Variants in ENPP6 observed in about 807,000 individuals in gnomAD.
ENPP6 encodes ectonucleotide pyrophosphatase/phosphodiesterase 6.
Under a neutral mutation model 42.0 loss-of-function variants are expected in ENPP6, and 32 were observed. The ratio of observed to expected loss-of-function variants is 0.76; its 90% confidence interval spans 0.58 to 1.02. ENPP6 has a LOEUF of 1.02. Among genes scored for constraint, ENPP6 ranks in the 50% least tolerant of loss-of-function variants. The pLI is 0.00. For synonymous variants in ENPP6, 213 were observed against 216.0 expected, an observed-to-expected ratio of 0.99 and a Z score of 0.12; for missense variants, 552 against 566.8, an observed-to-expected ratio of 0.97 and a Z score of 0.27.
intron 2 of ENPP6, among the ~76,000 whole-genome samples, chr4:184,133,740 C>T (rs2111361748): frequency 6.6e-6 from 1 of 151,844 alleles, no homozygotes; most frequent in South Asian, 2.1e-4. Flanking sequence ...ACTAAGGGTG[C>T]AGTGTACTAA....
rs189251133 is a variant in ENPP6, at chr4:184,173,152, C to T, written c.242-19419G>A. Among the ~76,000 whole-genome samples the T allele has an allele frequency of 3.5e-3, 540 of 152,130 alleles. 4 individuals are homozygous for T. The highest frequency in any genetic ancestry group is 6.7e-3 in the Non-Finnish European group (457 of 67,974). On this transcript the variant is annotated intron_variant, in intron 1 of 7. Coordinates refer to ENST00000296741, the MANE Select transcript of ENPP6 (RefSeq NM_153343.4). ...ACTCCTGACCTCAAATGATCCACCCCCCTCAGCCTCCCAAAGTGCTGGGAT... is the reference window on the plus strand; with the variant it reads ...ACTCCTGACCTCAAATGATCCACCCTCCTCAGCCTCCCAAAGTGCTGGGAT...
chr4:184,126,712 A>C (rs574283930), intron 2 of ENPP6, among the ~76,000 whole-genome samples: 1 of 152,346 alleles, frequency 6.6e-6, no homozygotes, highest in African/African-American at 2.4e-5. Context: ...AAAGCACTGG[A>C]CAAATTGCAA....
intron 3 of ENPP6, among the ~76,000 whole-genome samples, chr4:184,122,760 G>A (rs1319656736): frequency 6.6e-6 from 1 of 152,180 alleles, no homozygotes; most frequent in Non-Finnish European, 1.5e-5. Context: ...TTATTTGGAG[G>A]TATCTGTATG....
intron 2 of ENPP6, among the ~76,000 whole-genome samples, chr4:184,132,123 A>C (rs4615213): frequency 6.6e-6 from 1 of 151,776 alleles, no homozygotes; most frequent in Non-Finnish European, 1.5e-5. Context: ...TTGGGGAGGG[A>C]AAAATACATT....
chr4:184,111,584 G>A (rs553502523), intron 6 of ENPP6, among the ~76,000 whole-genome samples: 7 of 152,364 alleles, frequency 4.6e-5, no homozygotes, highest in South Asian at 2.1e-4. Flanking sequence ...TGTAAACCAC[G>A]TGGCAGAGAA....
chr4:184,127,110 C>G (rs1736517849), intron 2 of ENPP6, among the ~76,000 whole-genome samples: 1 of 151,900 alleles, frequency 6.6e-6, no homozygotes, highest in Admixed American at 6.6e-5. Context: ...AAATTGATAA[C>G]AATATATTAT....
chr4:184,168,261 A>G (rs56782360), intron 1 of ENPP6, among the ~76,000 whole-genome samples: 10,123 of 151,934 alleles, frequency 0.067, 369 homozygotes, highest in South Asian at 0.11. Flanking sequence ...AAGCTTTGGC[A>G]CGATGTCTTC....
intron 5 of ENPP6, among the ~76,000 whole-genome samples, chr4:184,114,929 G>A (rs1005169838): frequency 6.6e-6 from 1 of 152,156 alleles, no homozygotes; most frequent in African/African-American, 2.4e-5. Context: ...GAGAACAAAG[G>A]ACTGTCCCCC....
chr4:184,097,451 CG>C (rs989512722), intron 6 of ENPP6, 83 bp from the exon 7 acceptor site: 13 of 1,573,070 alleles, frequency 8.3e-6, no homozygotes, highest in South Asian at 1.1e-5. Context: ...GCCACTCCAC[CG>C]GGGGGCGCTT....
In ENPP6 at chr4:184,091,271, AC is replaced by A; in HGVS notation, c.1228del (p.Val410Ter). The A allele has an allele frequency of 6.2e-7, 1 of 1,612,518 alleles. No homozygotes were observed. The highest frequency in any genetic ancestry group is 8.5e-7 in the Non-Finnish European group (1 of 1,179,434). On this transcript the variant is annotated frameshift_variant, in exon 8 of 8. Transcript: ENST00000296741. LOFTEE classifies it low-confidence loss of function (END_TRUNC). ...GGCGCGGCCCTTCAGCATGCACATC[AC>A]CCTGGACCAGGATCCGTTGTTGGGC... Reference protein sequence around the residue: ...PLPNNGSWSRVMCMLKGRAST... With the variant: ...PLPNNGSWSRXMCMLKGRAST...
chr4:184,094,935 G>T (rs182926266), intron 7 of ENPP6, among the ~76,000 whole-genome samples: 11 of 152,234 alleles, frequency 7.2e-5, no homozygotes, highest in African/African-American at 2.7e-4. Flanking sequence ...CTGGGCAGCC[G>T]CAATGATGCC....
At chr4:184,186,954 G>A (rs887391353) in intron 1 of ENPP6, among the ~76,000 whole-genome samples, 5 of 152,150 alleles carry the variant, frequency 3.3e-5, no homozygotes, top group Admixed American at 6.5e-5. Flanking sequence ...TCTGCGCCAC[G>A]ACCTACAGGA....
chr4:184,113,899 T>TTTTCTTTTTC, intron 5 of ENPP6, among the ~76,000 whole-genome samples: 1 of 103,712 alleles, frequency 9.6e-6, no homozygotes, highest in South Asian at 3.6e-4. Flanking sequence ...CCTTTCTTTC[T>TTTTCTTTTTC]TTTCTTTCTT....
chr4:184,121,469 A>C (rs545820889), intron 3 of ENPP6, among the ~76,000 whole-genome samples: 3 of 152,358 alleles, frequency 2.0e-5, no homozygotes, highest in Admixed American at 2.0e-4. Context: ...GTGGATTAAA[A>C]AACACACTCT....
intron 2 of ENPP6, among the ~76,000 whole-genome samples, chr4:184,131,089 T>TGTCAAAGA (rs1301452014): frequency 2.0e-5 from 3 of 152,228 alleles, no homozygotes; most frequent in Non-Finnish European, 2.9e-5. Context: ...TATAAGATAA[T>TGTCAAAGA]GTCAAAGAGT....
chr4:184,181,482 A>C (rs1732549885), intron 1 of ENPP6, among the ~76,000 whole-genome samples: 1 of 152,204 alleles, frequency 6.6e-6, no homozygotes, highest in African/African-American at 2.4e-5. Flanking sequence ...ACTACCATTG[A>C]CATTCTTCAC....
chr4:184,102,612 A>C (rs1026227838), intron 6 of ENPP6, among the ~76,000 whole-genome samples: 4 of 152,174 alleles, frequency 2.6e-5, no homozygotes, highest in African/African-American at 4.8e-5. Context: ...TCTCCTCCCG[A>C]GGTGGCTGGA....
At chr4:184,199,642 C>T (rs1646901646) in intron 1 of ENPP6, among the ~76,000 whole-genome samples, 2 of 152,220 alleles carry the variant, frequency 1.3e-5, no homozygotes, top group Admixed American at 1.3e-4. Flanking sequence ...TCCACCGTGA[C>T]ATCCACAGAC....
At chr4:184,205,763 A>C (rs1732985985) in intron 1 of ENPP6, among the ~76,000 whole-genome samples, 1 of 152,262 alleles carries the variant, frequency 6.6e-6, no homozygotes, top group Middle Eastern at 3.4e-3. Context: ...AGGGGTCAGC[A>C]ATGGAGGTTG....
Sources: gnomAD v4.1 joint callset for allele counts (sites outside exome capture counted in the v4.1 genomes callset) on GRCh38, gnomAD v4.1.1 for gene constraint, MANE v1.5 for transcripts, NCBI Gene and HGNC (gene_info 2026-07-23, HGNC 2026-07-21) for gene names.